The following TNPO3 variants were observed in gnomAD, a reference collection of about 807,000 sequenced individuals.
TNPO3 encodes the protein transportin-3.
A neutral mutation model predicts 122.8 loss-of-function variants in TNPO3; 65 were observed. That is an observed-to-expected ratio of 0.53 (90% CI 0.43 to 0.65). The LOEUF (loss-of-function observed/expected upper bound fraction) is 0.65. Among genes scored for constraint, TNPO3 ranks in the 30% least tolerant of loss-of-function variants. The pLI, the probability that TNPO3 is intolerant of heterozygous loss-of-function variation, is 0.00. For missense variants in TNPO3, 850 were observed against 1,136.7 expected (o/e 0.75, Z 3.63); for synonymous variants, 372 against 411.2 (o/e 0.90, Z 1.15).
At chr7:129,015,743 G>A (rs138457246) in intron 3 of TNPO3, among the ~76,000 whole-genome samples, 2,354 of 152,260 alleles carry the variant, frequency 0.015, 29 homozygotes, top group Non-Finnish European at 0.023. Context: ...TGAGGCAGAA[G>A]GATCTCATGA....
intron 1 of TNPO3, among the ~76,000 whole-genome samples, chr7:129,050,192 G>C (rs1808551295): frequency 6.6e-6 from 1 of 151,916 alleles, no homozygotes; most frequent in South Asian, 2.1e-4. Context: ...GACCATCCTG[G>C]CTAACATGGT....
chr7:128,986,819 T>C lies in TNPO3; in HGVS notation c.1600A>G (p.Met534Val). The change falls in exon 12 of 23, where the codon ATG becomes GTG. Residue 534 changes from methionine (M) to valine (V), a missense_variant. Transcript: ENST00000265388. ...AGGAGTCCATTAAAGTGCTGAGCCA[T>C]GTGATCTCGGCAGACAGAGCAAATG... Reference protein sequence around the residue: ...HNICSVCRDHMAQHFNGLLEI... With the variant: ...HNICSVCRDHVAQHFNGLLEI... 6.2e-7 allele frequency: 1 copy of C among 1,614,102 alleles called. No homozygotes were observed. Among genetic ancestry groups the C allele is most frequent in the Non-Finnish European group, 8.5e-7 (1 of 1,179,992 alleles).
intron 4 of TNPO3, among the ~76,000 whole-genome samples, chr7:129,009,240 G>A (rs535397346): frequency 3.2e-4 from 49 of 152,262 alleles, no homozygotes; most frequent in African/African-American, 1.1e-3. Flanking sequence ...GCAGAAACAC[G>A]TTTAAAACTT....
rs1259585519 is a variant in TNPO3, at chr7:128,975,851, C to A, written c.2146G>T (p.Gly716Cys). The A allele has an allele frequency of 6.2e-7, 1 of 1,614,016 alleles. No individual in the cohort carries two copies. Among genetic ancestry groups the A allele is most frequent in the Non-Finnish European group, 8.5e-7 (1 of 1,179,896 alleles). Residue 716 changes from glycine to cysteine, a missense_variant, in exon 17 of 23, where the codon GGC becomes TGC. Gly to Cys is a radical substitution (Grantham distance 159). Transcript: ENST00000265388. ...ILVDEYGMEEGCRQGLLDMLQ... is the reference protein window; with the variant it reads ...ILVDEYGMEECCRQGLLDMLQ... ...ATGTCTAGCAGTCCCTGCCGACAGC[C>A]TTCTTCCATGCCATATTCATCCACA... is the stretch of plus-strand genomic sequence containing the variant.
At chr7:128,991,925 G>GAA in intron 10 of TNPO3, 74 bp downstream of exon 10, 15 of 1,003,920 alleles carry the variant, frequency 1.5e-5, no homozygotes, top group South Asian at 6.7e-5. Flanking sequence ...TACCATATAA[G>GAA]AAAAAAAAAA....
chr7:129,034,996 C>T lies in TNPO3; in HGVS notation c.121-16839G>A, dbSNP rs540460512. Reference sequence around the variant, plus strand: ...AACTTTTCTTAAACAACATATCGGCCGGGCGCGGTGGCTCACGCCTGTAAT... The same window carrying T: ...AACTTTTCTTAAACAACATATCGGCTGGGCGCGGTGGCTCACGCCTGTAAT... On this transcript the variant is annotated intron_variant, in intron 1 of 22. Transcript: ENST00000265388. Among the ~76,000 whole-genome samples the T allele has an allele frequency of 8.4e-4, 127 of 151,656 alleles. No homozygotes were observed. The South Asian group carries it at 0.024, about 29-fold the overall frequency.
chr7:128,967,323 C>T lies in TNPO3; in HGVS notation c.2668G>A (p.Val890Met). 6.2e-7 allele frequency: 1 copy of T among 1,614,064 alleles called. No homozygotes were observed. The highest frequency in any genetic ancestry group is 1.1e-5 in the South Asian group (1 of 91,076). The change falls in exon 21 of 23, where the codon GTG becomes ATG. Residue 890 changes from valine to methionine, a missense_variant. By Grantham distance (21) the Val-to-Met change is conservative. Transcript: ENST00000265388. ...PKETTVGAVT[V>M]THKQLTDFHK... Reference sequence around the variant, plus strand: ...AAGTCTGTAAGTTGTTTGTGTGTCACTGTGACGGCTCCCACGGTTGTTTCC... The same window carrying T: ...AAGTCTGTAAGTTGTTTGTGTGTCATTGTGACGGCTCCCACGGTTGTTTCC...
chr7:128,989,667 A>G (rs1029246509), intron 11 of TNPO3, among the ~76,000 whole-genome samples: 4 of 152,256 alleles, frequency 2.6e-5, no homozygotes, highest in African/African-American at 9.6e-5. Flanking sequence ...TAGCTCAAGC[A>G]TATGCCAAAG....
At chr7:128,969,438 G>A (rs77349349) in intron 20 of TNPO3, among the ~76,000 whole-genome samples, 1,610 of 151,382 alleles carry the variant, frequency 0.011, 17 homozygotes, top group Middle Eastern at 0.014. Context: ...ACTTTAACTA[G>A]GTCCCAATGA....
intron 11 of TNPO3, 141 bp downstream of exon 11, chr7:128,989,820 C>T (rs1408380073): frequency 1.1e-6 from 1 of 893,800 alleles, no homozygotes; most frequent in African/African-American, 1.7e-5. Flanking sequence ...CACTAACTTA[C>T]AACATATTGT....
intron 4 of TNPO3, among the ~76,000 whole-genome samples, chr7:129,006,496 T>C (rs935620345): frequency 2.0e-5 from 3 of 152,202 alleles, no homozygotes; most frequent in African/African-American, 7.2e-5. Flanking sequence ...TTTCTCCTTG[T>C]AGTCTGTTTT....
At chr7:129,040,823 C>A (rs952915777) in intron 1 of TNPO3, among the ~76,000 whole-genome samples, 1 of 152,116 alleles carries the variant, frequency 6.6e-6, no homozygotes. Context: ...AATTCAAGCA[C>A]CCTTATTTAC....
chr7:128,971,309 C>T (rs1428849092), intron 19 of TNPO3, among the ~76,000 whole-genome samples: 1 of 151,962 alleles, frequency 6.6e-6, no homozygotes, highest in African/African-American at 2.4e-5. Context: ...CCACACTTGG[C>T]TAATTTTTGT....
intron 4 of TNPO3, among the ~76,000 whole-genome samples, chr7:129,007,331 T>A (rs1802688254): frequency 6.6e-6 from 1 of 152,226 alleles, no homozygotes. Context: ...CCAAACTTGC[T>A]TACATACATA....
At chr7:129,043,534 C>T (rs184205602) in intron 1 of TNPO3, among the ~76,000 whole-genome samples, 6 of 152,298 alleles carry the variant, frequency 3.9e-5, no homozygotes, top group African/African-American at 9.6e-5. Context: ...TTAAATAATC[C>T]TATATCATAA....
chr7:128,997,224 C>T (rs1011785648), intron 8 of TNPO3, among the ~76,000 whole-genome samples, 165 bp downstream of exon 8: 1 of 152,142 alleles, frequency 6.6e-6, no homozygotes, highest in East Asian at 1.9e-4. Flanking sequence ...GTCTTGAATT[C>T]CTGGGCTCTA....
intron 1 of TNPO3, among the ~76,000 whole-genome samples, chr7:129,050,159 A>G (rs990251418): frequency 2.0e-5 from 3 of 152,032 alleles, no homozygotes; most frequent in Non-Finnish European, 2.9e-5. Flanking sequence ...CAAGGTGGGC[A>G]GATCACAAGG....
At chr7:129,005,601 C>G (rs1422700615) in intron 4 of TNPO3, among the ~76,000 whole-genome samples, 1 of 151,768 alleles carries the variant, frequency 6.6e-6, no homozygotes, top group Non-Finnish European at 1.5e-5. Flanking sequence ...GCACCACCCC[C>G]CTCCTTCTCT....
rs1249604129 is a variant in TNPO3, at chr7:129,015,006, G to C, written c.525C>G (p.Phe175Leu). The change falls in exon 4 of 23, where the codon TTC (phenylalanine) becomes TTG (leucine). Residue 175 changes from phenylalanine to leucine, a missense_variant. By Grantham distance (22) the Phe-to-Leu change is conservative (BLOSUM62 0). Coordinates refer to ENST00000265388, the MANE Select transcript of TNPO3 (RefSeq NM_012470.4). ...RRTEIIEDLA[F>L]YSSTVVSLLM... Reference sequence around the variant, plus strand: ...ATAGAGATACTACTGTACTAGAGTAGAAGGCCAAATCTTCTATAATTTCTG... The same window carrying C: ...ATAGAGATACTACTGTACTAGAGTACAAGGCCAAATCTTCTATAATTTCTG... 7 of 1,610,566 alleles carry C rather than the reference G, an allele frequency of 4.3e-6. No individual in the cohort carries two copies. The African/African-American group carries it at 6.7e-5, about 15-fold the overall frequency.
Sources: allele counts gnomAD v4.1 joint callset (sites outside exome capture counted in the v4.1 genomes callset), GRCh38; gene constraint gnomAD v4.1.1; transcripts MANE v1.5; gene names NCBI Gene and HGNC (gene_info 2026-07-23, HGNC 2026-07-21).